The following ODF2L variants were observed in gnomAD, a reference collection of about 807,000 sequenced individuals.
The protein encoded by ODF2L is outer dense fiber of sperm tails 2 like, also known as protein BCAP.
ODF2L carries 76 observed loss-of-function variants against 86.3 expected under a neutral mutation model. The ratio of observed to expected loss-of-function variants is 0.88; its 90% CI spans 0.73 to 1.07. ODF2L has a LOEUF of 1.07. ODF2L is among the 50% of genes least tolerant of loss of function. ODF2L has a pLI of 0.00. For synonymous variants in ODF2L, 241 were observed against 231.3 expected (o/e 1.04, Z -0.38); for missense variants, 748 against 717.4 (o/e 1.04, Z -0.49).
chr1:86,348,961 A>G (rs1045549176), downstream of ODF2L: 2 of 1,344,516 alleles, frequency 1.5e-6, no homozygotes. Flanking sequence ...AAAAACATAT[A>G]TACAATAACT....
exon 10 of ODF2L, chr1:86,371,106 C>T: frequency 6.5e-7 from 1 of 1,547,510 alleles, no homozygotes; most frequent in South Asian, 1.2e-5. Flanking sequence ...TGAATTTTTT[C>T]CATGGTCTTC....
At chr1:86,362,255 G>A (rs1008030677) in intron 11 of ODF2L, among the ~76,000 whole-genome samples, 1 of 151,854 alleles carries the variant, frequency 6.6e-6, no homozygotes, top group South Asian at 2.1e-4. Flanking sequence ...GCAGGGCAGT[G>A]ACACGATCTG....
At chr1:86,355,541 A>G (rs943809241) in intron 14 of ODF2L, among the ~76,000 whole-genome samples, 10 of 152,118 alleles carry the variant, frequency 6.6e-5, no homozygotes, top group African/African-American at 2.4e-5. Context: ...TTTTTATCTA[A>G]CTTTTAAGTT....
At position 86,386,903 on chromosome 1, in the gene ODF2L, T is replaced by G; in HGVS notation, c.113+12A>C. 7.4e-7 allele frequency: 1 copy of G among 1,347,228 alleles called. No individual in the cohort carries two copies. The highest frequency in any genetic ancestry group is 1.2e-5 in the South Asian group (1 of 83,334). 83.5% of individuals were successfully genotyped at this position (1,347,228 alleles called of 1,614,324 possible). ...CGGAAATTTAGATTTCCCCTGATAC[T>G]GATGAGAATACCAGCTGAGATGACT... On this transcript the variant is annotated intron_variant, in intron 2 of 17. Coordinates refer to ENST00000317336, the Ensembl canonical transcript of ODF2L.
intron 14 of ODF2L, chr1:86,355,283 G>A (rs996797403): frequency 1.7e-5 from 19 of 1,086,356 alleles, no homozygotes; most frequent in Non-Finnish European, 2.4e-5. Context: ...AGTCGAAACT[G>A]TAAATAAAAT....
chr1:86,386,907 G>A lies in ODF2L; in HGVS notation c.113+8C>T, dbSNP rs769091407. ...AATTTAGATTTCCCCTGATACTGAT[G>A]AGAATACCAGCTGAGATGACTTTCA... On this transcript the variant is annotated splice_region_variant and intron_variant, in intron 2 of 17. Coordinates refer to ENST00000317336, the Ensembl canonical transcript of ODF2L. 18 of 1,392,452 alleles carry A rather than the reference G, an allele frequency of 1.3e-5. No individual in the cohort carries two copies. The highest frequency in any genetic ancestry group is 1.8e-5 in the Non-Finnish European group (18 of 983,766). 86.3% of individuals were successfully genotyped at this position (1,392,452 alleles called of 1,614,324 possible).
intron 7 of ODF2L, 83 bp from the exon 8 acceptor site, chr1:86,376,501 T>C: frequency 1.2e-6 from 1 of 844,594 alleles, no homozygotes; most frequent in Non-Finnish European, 1.8e-6. Context: ...ACATAACTGA[T>C]ATGGTTTGTG....
intron 10 of ODF2L, chr1:86,368,825 T>C (rs943773495): frequency 7.0e-6 from 7 of 996,438 alleles, no homozygotes; most frequent in Admixed American, 4.0e-5. Context: ...GTCCAACAAA[T>C]AGGGAATCAC....
In ODF2L at chr1:86,351,235, T is replaced by G. The variant is rs2100687379; in HGVS notation, c.*956A>C. The G allele has an allele frequency of 3.3e-5, 5 of 152,354 alleles. No individual in the cohort carries two copies. The Middle Eastern group carries it at 0.017, about 518-fold the overall frequency. The allele number at this position is 152,354 out of a possible 1,614,324, so 9.4% of individuals were successfully genotyped here. ...GTTTTTATGGTTTTAGGTCTTACAC[T>G]TAAGTCTTTAATCCATCTTGAGTTA... On this transcript the variant is annotated 3_prime_UTR_variant, in exon 18 of 18. Coordinates refer to ENST00000317336, the Ensembl canonical transcript of ODF2L.
chr1:86,390,918 C>T (rs934752796), intron 1 of ODF2L, among the ~76,000 whole-genome samples: 2 of 152,124 alleles, frequency 1.3e-5, no homozygotes, highest in African/African-American at 4.8e-5. Context: ...TGGTATGATT[C>T]TGTACCTAGA....
downstream of ODF2L, chr1:86,346,960 G>A (rs557769315): frequency 3.3e-5 from 5 of 152,328 alleles, no homozygotes; most frequent in African/African-American, 1.2e-4. Flanking sequence ...CCTTGGGCAA[G>A]TTACCTAACC....
chr1:86,374,183 A>T (rs1660013030), intron 8 of ODF2L, among the ~76,000 whole-genome samples: 1 of 152,126 alleles, frequency 6.6e-6, no homozygotes, highest in African/African-American at 2.4e-5. Context: ...TACGTGCAAG[A>T]CTTTTTTGTT....
intron 7 of ODF2L, among the ~76,000 whole-genome samples, chr1:86,376,961 A>C (rs1050839256): frequency 6.6e-6 from 1 of 152,144 alleles, no homozygotes; most frequent in Non-Finnish European, 1.5e-5. Context: ...CAGTCCTCCA[A>C]AGTCTTACTT....
chr1:86,358,024 A>C, intron 13 of ODF2L: 3 of 985,130 alleles, frequency 3.0e-6, no homozygotes, highest in Non-Finnish European at 3.6e-6. Context: ...TCAGTGAGCT[A>C]TCTTTATGTC....
chr1:86,370,620 A>G (rs1659727651), intron 10 of ODF2L, among the ~76,000 whole-genome samples: 1 of 152,096 alleles, frequency 6.6e-6, no homozygotes, highest in African/African-American at 2.4e-5. Flanking sequence ...TACCTATGGA[A>G]AGCAATTACC....
At position 86,384,809 on chromosome 1, in the gene ODF2L, A is replaced by G; in HGVS notation, c.247-8T>C. 1 of 1,484,418 alleles carries G rather than the reference A, an allele frequency of 6.7e-7. No individual in the cohort carries two copies. Among genetic ancestry groups the G allele is most frequent in the Non-Finnish European group, 8.9e-7 (1 of 1,120,744 alleles). The allele number at this position is 1,484,418 out of a possible 1,614,324, so 92.0% of individuals were successfully genotyped here. ...CAATGCAGAAAGATTCGCCTGACAA[A>G]TTATAAGAACCACATACACATTTTA... On this transcript the variant is annotated splice_polypyrimidine_tract_variant and splice_region_variant and intron_variant, in intron 3 of 17. Coordinates refer to ENST00000317336, the Ensembl canonical transcript of ODF2L.
intron 7 of ODF2L, among the ~76,000 whole-genome samples, chr1:86,379,781 C>G (rs893818176): frequency 2.6e-5 from 4 of 152,214 alleles, no homozygotes; most frequent in African/African-American, 9.6e-5. Context: ...AGACCAAACA[C>G]AGGTTTAGAT....
At chr1:86,395,070 C>G (rs1027441070) in intron 1 of ODF2L, among the ~76,000 whole-genome samples, 1 of 152,036 alleles carries the variant, frequency 6.6e-6, no homozygotes, top group Non-Finnish European at 1.5e-5. Flanking sequence ...GTCTCGATCT[C>G]CTAACCTCGT....
chr1:86,351,226 G>A (rs997639082), exon 18 of ODF2L: 19 of 152,168 alleles, frequency 1.2e-4, no homozygotes, highest in African/African-American at 4.6e-4. Context: ...ATGGTTTTAG[G>A]TCTTACACTT....
Sources: allele counts gnomAD v4.1 joint callset (sites outside exome capture counted in the v4.1 genomes callset), GRCh38; gene constraint gnomAD v4.1.1; transcripts MANE v1.5; gene names NCBI Gene and HGNC (gene_info 2026-07-23, HGNC 2026-07-21).